BCAT1: variants seen among roughly 807,000 people sequenced by gnomAD.
BCAT1 encodes the protein branched-chain-amino-acid aminotransferase, cytosolic.
In BCAT1, 48 loss-of-function variants were observed where a neutral mutation model predicts 52.4. The observed-to-expected ratio is 0.92, with a 90% CI of 0.73 to 1.16. BCAT1 has a LOEUF of 1.16. Among genes scored for constraint, BCAT1 ranks in the 50% most tolerant of loss-of-function variants. The pLI, the probability that BCAT1 is intolerant of heterozygous loss-of-function variation, is 0.00. For missense variants in BCAT1, 451 were observed against 457.1 expected (o/e 0.99, Z 0.12); for synonymous variants, 167 against 161.3 (o/e 1.04, Z -0.27).
At chr12:24,931,050 C>T (rs1943669418) in intron 1 of BCAT1, among the ~76,000 whole-genome samples, 1 of 151,750 alleles carries the variant, frequency 6.6e-6, no homozygotes, top group Non-Finnish European at 1.5e-5. Flanking sequence ...CTACAGGAGC[C>T]CACCACCACG....
At chr12:24,902,500 A>T in intron 1 of BCAT1, 2 of 417,146 alleles carry the variant, frequency 4.8e-6, no homozygotes, top group Non-Finnish European at 6.9e-6. Flanking sequence ...AATCTGCTAA[A>T]TAACTACGGG....
intron 1 of BCAT1, among the ~76,000 whole-genome samples, chr12:24,928,126 A>T (rs1006861625): frequency 3.9e-5 from 6 of 152,238 alleles, no homozygotes; most frequent in Admixed American, 6.5e-5. Context: ...ATTATTTATT[A>T]TGCCAAGGGA....
chr12:24,900,737 C>T (rs899955104), intron 2 of BCAT1, among the ~76,000 whole-genome samples: 7 of 152,180 alleles, frequency 4.6e-5, no homozygotes, highest in Non-Finnish European at 2.9e-5. Context: ...TCGAGACCAG[C>T]CTGGCTAACA....
At chr12:24,942,461 T>C (rs1943863804) in intron 1 of BCAT1, among the ~76,000 whole-genome samples, 1 of 151,822 alleles carries the variant, frequency 6.6e-6, no homozygotes, top group Non-Finnish European at 1.5e-5. Context: ...GGAGAATTGC[T>C]TGAACCCGGG....
chr12:24,866,532 A>G (rs1031792438), intron 5 of BCAT1, among the ~76,000 whole-genome samples: 2 of 152,224 alleles, frequency 1.3e-5, no homozygotes, highest in African/African-American at 4.8e-5. Context: ...GCCCTGGTGC[A>G]AGATACACTG....
At chr12:24,920,348 C>T (rs1943483587) in intron 1 of BCAT1, among the ~76,000 whole-genome samples, 1 of 152,170 alleles carries the variant, frequency 6.6e-6, no homozygotes, top group Non-Finnish European at 1.5e-5. Flanking sequence ...TGTGGCATGG[C>T]TTAATTAGAG....
chr12:24,876,534 C>T (rs945557314), intron 5 of BCAT1, among the ~76,000 whole-genome samples: 1 of 151,986 alleles, frequency 6.6e-6, no homozygotes, highest in Non-Finnish European at 1.5e-5. Context: ...TTGACAAAAT[C>T]CAACATCCAT....
intron 5 of BCAT1, among the ~76,000 whole-genome samples, chr12:24,868,284 TC>T (rs774495693): frequency 6.6e-6 from 1 of 151,998 alleles, no homozygotes; most frequent in African/African-American, 2.4e-5. Context: ...TATATTAAAT[TC>T]AGTACGGTAC....
At chr12:24,830,024 T>C in intron 9 of BCAT1, 127 bp from the exon 10 acceptor site, 4 of 593,070 alleles carry the variant, frequency 6.7e-6, no homozygotes, top group South Asian at 3.0e-5. Flanking sequence ...CACTAAAACC[T>C]ACTGACTCTG....
chr12:24,867,461 C>A (rs140640198), intron 5 of BCAT1, among the ~76,000 whole-genome samples: 1 of 150,930 alleles, frequency 6.6e-6, no homozygotes, highest in East Asian at 1.9e-4. Flanking sequence ...GCTGTTGACA[C>A]TGATGATACT....
chr12:24,850,002 C>T (rs1591805958), intron 5 of BCAT1, 53 bp from the exon 6 acceptor site: 7 of 1,470,416 alleles, frequency 4.8e-6, no homozygotes, highest in Admixed American at 2.1e-5. Context: ...GGACACCAGT[C>T]TTAAAGTCTA....
chr12:24,866,140 G>A (rs1941999122), intron 5 of BCAT1, among the ~76,000 whole-genome samples: 1 of 152,236 alleles, frequency 6.6e-6, no homozygotes, highest in African/African-American at 2.4e-5. Context: ...GTTCCGGGTG[G>A]GAGTGGGCTT....
intron 1 of BCAT1, among the ~76,000 whole-genome samples, chr12:24,916,931 TAGAA>T (rs1401554892): frequency 6.6e-6 from 1 of 152,104 alleles, no homozygotes; most frequent in Admixed American, 6.6e-5. Context: ...AGAATTCAGG[TAGAA>T]AGAAAGGTAA....
At position 24,814,614 on chromosome 12, in the gene BCAT1, G is replaced by A. The variant is rs751002591; in HGVS notation, c.*3394C>T. 3 of 152,012 alleles carry A rather than the reference G, an allele frequency of 2.0e-5. No individual in the cohort carries two copies. The highest frequency in any genetic ancestry group is 2.9e-5 in the Non-Finnish European group (2 of 67,972). The allele number at this position is 152,012 out of a possible 1,614,324, so 9.4% of individuals were successfully genotyped here. A position where few individuals can be genotyped will look rare whatever the true frequency, so the allele number is the denominator to read the frequency against. ...TGCCTCCAAGTGTTCAAGACTGCTT[G>A]GATTTGAGGCAAGCAAGACCACTTG... On this transcript the variant is annotated 3_prime_UTR_variant, in exon 11 of 11. Coordinates refer to ENST00000261192, the MANE Select transcript of BCAT1 (RefSeq NM_005504.7).
chr12:24,877,654 A>T (rs543388830), intron 5 of BCAT1, among the ~76,000 whole-genome samples: 16 of 152,226 alleles, frequency 1.1e-4, no homozygotes, highest in Non-Finnish European at 2.2e-4. Context: ...TAATCCCAAG[A>T]CCTCATGAAA....
chr12:24,850,152 T>G (rs1941463470), intron 5 of BCAT1, among the ~76,000 whole-genome samples: 1 of 152,232 alleles, frequency 6.6e-6, no homozygotes, highest in South Asian at 2.1e-4. Context: ...TTCATTTTGC[T>G]TTGCTTTCTG....
At chr12:24,836,864 GGAA>G (rs1233183843) in intron 7 of BCAT1, among the ~76,000 whole-genome samples, 18 of 122,348 alleles carry the variant, frequency 1.5e-4, no homozygotes, top group Non-Finnish European at 3.0e-4. Context: ...AAGGAAGGAA[GGAA>G]GGAAAGAGAA....
At chr12:24,884,422 C>G (rs138742694) in intron 3 of BCAT1, among the ~76,000 whole-genome samples, 1 of 152,122 alleles carries the variant, frequency 6.6e-6, no homozygotes, top group African/African-American at 2.4e-5. Flanking sequence ...ACCTATCGCA[C>G]AGCATGGTGA....
rs1939707456 is a variant in BCAT1, at chr12:24,812,151, C to T, written c.*5857G>A. On this transcript the variant is annotated 3_prime_UTR_variant, in exon 11 of 11. Transcript: ENST00000261192. The stretch of plus-strand genomic sequence containing the variant: ...AAGTACAAATTGAGGCAGAAATTTA[C>T]ATTCCTTTCTTAACCCTGAGAATGA... 6.6e-6 allele frequency: 1 copy of T among 152,094 alleles called. No individual in the cohort carries two copies. Among genetic ancestry groups the T allele is most frequent in the Admixed American group, 6.6e-5 (1 of 15,260 alleles). The allele number at this position is 152,094 out of a possible 1,614,324, so 9.4% of individuals were successfully genotyped here.
Sources: allele counts gnomAD v4.1 joint callset (sites outside exome capture counted in the v4.1 genomes callset), GRCh38; gene constraint gnomAD v4.1.1; transcripts MANE v1.5; gene names NCBI Gene and HGNC (gene_info 2026-07-23, HGNC 2026-07-21).